Variants in DCLK1 observed in about 807,000 individuals in gnomAD.
The protein encoded by DCLK1 is doublecortin like kinase 1, also known as serine/threonine-protein kinase DCLK1.
In DCLK1, 16 loss-of-function variants were observed where a neutral mutation model predicts 86.2. The observed-to-expected ratio is 0.19, with a 90% confidence interval of 0.13 to 0.28. The LOEUF is 0.28. DCLK1 is among the 10% of genes least tolerant of loss of function. DCLK1 has a pLI of 1.00. For missense variants in DCLK1, 590 were observed against 940.2 expected, an observed-to-expected ratio of 0.63 and a Z score of 4.87; for synonymous variants, 369 against 370.5, an observed-to-expected ratio of 1.00 and a Z score of 0.05.
At chr13:35,888,115 T>C (rs180983894) in intron 4 of DCLK1, among the ~76,000 whole-genome samples, 2 of 152,244 alleles carry the variant, frequency 1.3e-5, no homozygotes, top group African/African-American at 4.8e-5. Context: ...ACTTCAGATT[T>C]CCTTTTCCCC....
rs115460852 is a variant in DCLK1 at position 36,083,142 on chromosome 13, T to C, written c.723+28727A>G. On this transcript the variant is annotated intron_variant, in intron 3 of 16. Transcript: ENST00000360631. The stretch of plus-strand genomic sequence containing the variant: ...GGAGGGTCAAAGAGTATAAACAATC[T>C]ATTCTTTATTGGGCTATAAGAAAGC... Among the ~76,000 whole-genome samples the C allele has an allele frequency of 9.3e-3, 1,413 of 152,256 alleles. 15 individuals are homozygous for C. Among genetic ancestry groups the C allele is most frequent in the African/African-American group, 0.032 (1,338 of 41,526 alleles).
intron 4 of DCLK1, among the ~76,000 whole-genome samples, chr13:35,900,305 A>G (rs1356215461): frequency 6.7e-6 from 1 of 148,964 alleles, no homozygotes; most frequent in Non-Finnish European, 1.5e-5. Flanking sequence ...CAGTGGCACC[A>G]TCTTGGCTCA....
chr13:35,820,512 C>T (rs1288484205), intron 11 of DCLK1, among the ~76,000 whole-genome samples: 1 of 152,144 alleles, frequency 6.6e-6, no homozygotes, highest in Non-Finnish European at 1.5e-5. Flanking sequence ...AATGTAATCA[C>T]TTATGGCATT....
At chr13:35,939,202 G>T (rs980377251) in intron 4 of DCLK1, among the ~76,000 whole-genome samples, 1 of 152,110 alleles carries the variant, frequency 6.6e-6, no homozygotes, top group South Asian at 2.1e-4. Context: ...AGCAAAGCAC[G>T]TTAGCCAATG....
At chr13:35,978,352 C>T (rs947842422) in intron 3 of DCLK1, among the ~76,000 whole-genome samples, 8 of 151,534 alleles carry the variant, frequency 5.3e-5, no homozygotes, top group East Asian at 3.9e-4. Context: ...ATTACAGGCA[C>T]GCGACATCAC....
chr13:36,117,920 C>A (rs770560004), intron 2 of DCLK1, among the ~76,000 whole-genome samples: 1 of 152,048 alleles, frequency 6.6e-6, no homozygotes, highest in Non-Finnish European at 1.5e-5. Context: ...TCCCACTGGG[C>A]TATCTATGAA....
intron 11 of DCLK1, among the ~76,000 whole-genome samples, chr13:35,811,349 A>G (rs2087138290): frequency 6.6e-6 from 1 of 151,994 alleles, no homozygotes; most frequent in Non-Finnish European, 1.5e-5. Context: ...AAAAAAAAAG[A>G]AAAAGTCTGA....
intron 11 of DCLK1, among the ~76,000 whole-genome samples, chr13:35,818,308 T>G (rs1026730262): frequency 6.6e-6 from 1 of 152,220 alleles, no homozygotes; most frequent in Non-Finnish European, 1.5e-5. Flanking sequence ...TGTTATCTTG[T>G]GAGCATGGAA....
chr13:35,979,501 C>T (rs907614926), intron 3 of DCLK1, among the ~76,000 whole-genome samples: 1 of 152,222 alleles, frequency 6.6e-6, no homozygotes, highest in Non-Finnish European at 1.5e-5. Flanking sequence ...CCTTTCCCGT[C>T]AGATCCCAAA....
chr13:36,030,356 G>C (rs910638930), intron 3 of DCLK1, among the ~76,000 whole-genome samples: 1 of 152,132 alleles, frequency 6.6e-6, no homozygotes, highest in Non-Finnish European at 1.5e-5. Context: ...GAGTGCAGTG[G>C]CACGATCTTG....
Position 35,805,718 on chromosome 13 carries a change from A to T in DCLK1, c.1925T>A (p.Leu642His). 6.2e-7 allele frequency: 1 copy of T among 1,613,958 alleles called. No individual in the cohort carries two copies. Residue 642 changes from leucine (L) to histidine (H), a missense_variant, in exon 15 of 17, where the codon CTT becomes CAT. Transcript: ENST00000360631. The part of the protein sequence containing the change: ...VDQRFSAVQV[L>H]EHPWVNDDGL... ...ACTTACATTAACCCAGGGATGCTCA[A>T]GTACTTGAACAGCAGAAAATCGCTG...
intron 3 of DCLK1, among the ~76,000 whole-genome samples, chr13:35,990,910 T>C (rs181935568): frequency 1.3e-5 from 2 of 152,300 alleles, no homozygotes; most frequent in African/African-American, 2.4e-5. Flanking sequence ...AAACTGACCA[T>C]GGAGAGTCAG....
chr13:35,987,145 G>C (rs1199827501), intron 3 of DCLK1, among the ~76,000 whole-genome samples: 1 of 152,190 alleles, frequency 6.6e-6, no homozygotes, highest in African/African-American at 2.4e-5. Flanking sequence ...GTGGCGGCTG[G>C]GAGCGGTGGC....
At chr13:35,999,863 C>T (rs1242045780) in intron 3 of DCLK1, among the ~76,000 whole-genome samples, 5 of 152,124 alleles carry the variant, frequency 3.3e-5, no homozygotes. Context: ...TAGACTGTTG[C>T]TTACAAGACT....
intron 3 of DCLK1, among the ~76,000 whole-genome samples, chr13:36,004,038 A>G (rs138993520): frequency 2.6e-5 from 4 of 152,366 alleles, no homozygotes; most frequent in African/African-American, 9.6e-5. Context: ...GCAAAATAAA[A>G]CACAAAGATT....
intron 2 of DCLK1, among the ~76,000 whole-genome samples, chr13:36,121,755 GGGGGCATTGC>G (rs1358394665): frequency 1.3e-5 from 2 of 152,146 alleles, no homozygotes; most frequent in Non-Finnish European, 2.9e-5. Flanking sequence ...TCCAGGATAA[GGGGGCATTGC>G]TGTATATGTG....
At chr13:35,819,554 CTTACAA>C in intron 11 of DCLK1, among the ~76,000 whole-genome samples, 1 of 152,262 alleles carries the variant, frequency 6.6e-6, no homozygotes, top group African/African-American at 2.4e-5. Flanking sequence ...TGTTGTCAGT[CTTACAA>C]TTTAGAAGGG....
intron 3 of DCLK1, among the ~76,000 whole-genome samples, chr13:36,045,340 A>ATCTATATATC (rs765084884): frequency 1.0e-5 from 1 of 96,990 alleles, no homozygotes; most frequent in East Asian, 3.0e-4. Context: ...GTGTATATAT[A>ATCTATATATC]TATATATATA....
chr13:35,919,345 C>T (rs1875643711), intron 4 of DCLK1, among the ~76,000 whole-genome samples: 1 of 152,132 alleles, frequency 6.6e-6, no homozygotes, highest in Non-Finnish European at 1.5e-5. Flanking sequence ...GCGTCTAAGG[C>T]AGTGTGTGGT....
Sources: gnomAD v4.1 joint callset for allele counts (sites outside exome capture counted in the v4.1 genomes callset) on GRCh38, gnomAD v4.1.1 for gene constraint, MANE v1.5 for transcripts, NCBI Gene and HGNC (gene_info 2026-07-23, HGNC 2026-07-21) for gene names.